Variants in NCOR2 observed in about 807,000 individuals in gnomAD.
NCOR2 encodes the protein nuclear receptor corepressor 2, also known as CTG repeat protein 26.
A neutral mutation model predicts 262.9 loss-of-function variants in NCOR2; 81 were observed. That is an observed-to-expected ratio of 0.31 (90% confidence interval 0.26 to 0.37). The LOEUF is 0.37. Ranked by LOEUF, NCOR2 falls within the 10% of genes least tolerant of loss-of-function variation. The probability of loss-of-function intolerance (pLI) is 1.00; values close to 1 mark genes in which losing one functional copy is unlikely to be tolerated. For missense variants in NCOR2, 3,385 were observed against 3,621.4 expected (o/e 0.93, Z 1.68); for synonymous variants, 1,659 against 1,559.3 (o/e 1.06, Z -1.51).
chr12:124,549,380 G>C lies in NCOR2; in HGVS notation c.-164-13769C>G, dbSNP rs1488095415. Among the ~76,000 whole-genome samples, 1 of 152,192 alleles carries C rather than the reference G, an allele frequency of 6.6e-6. No homozygotes were observed. The highest frequency in any genetic ancestry group is 1.5e-5 in the Non-Finnish European group (1 of 68,030). ...TTCGAGGAGATAAGCCGCCTGCTCA[G>C]GTTCACGTTCGGGATCAAATGAACC... On this transcript the variant is annotated intron_variant, in intron 1 of 32. Transcript: ENST00000458234. This position sits in a 1 kb window ranked among gnomAD's most constrained non-coding sequence, Gnocchi z 4.4.
At chr12:124,365,580 G>A (rs988947299) in intron 20 of NCOR2, among the ~76,000 whole-genome samples, 1 of 152,210 alleles carries the variant, frequency 6.6e-6, no homozygotes, top group Non-Finnish European at 1.5e-5. Flanking sequence ...TCTGCCACAC[G>A]CTCAGCTGAG....
At chr12:124,509,039 AAG>A (rs2049220675) in intron 1 of NCOR2, among the ~76,000 whole-genome samples, 1 of 152,272 alleles carries the variant, frequency 6.6e-6, no homozygotes, top group African/African-American at 2.4e-5. Flanking sequence ...CTGGCCATGA[AAG>A]GCAGGCCAGG....
intron 18 of NCOR2, among the ~76,000 whole-genome samples, chr12:124,375,273 G>A (rs1251758303): frequency 6.6e-6 from 1 of 152,104 alleles, no homozygotes; most frequent in Non-Finnish European, 1.5e-5. Flanking sequence ...AACGCTGAGG[G>A]CCCCAGGACC....
Position 124,483,623 on chromosome 12 carries a change from CTGGCCCGTGGCCAGCAGG to C in NCOR2, c.366_383del (p.Leu123_Gln128del). 1.2e-6 allele frequency: 2 copies of C among 1,607,864 alleles called. No homozygotes were observed. Among genetic ancestry groups the C allele is most frequent in the Non-Finnish European group, 1.7e-6 (2 of 1,177,414 alleles). The stretch of plus-strand genomic sequence containing the variant: ...TGGTGAGGTCTTCAGATCCCGCAGG[CTGGCCCGTGGCCAGCAGG>C]GGTGACGGTCGCAGCAGGGGGTCAG... On this transcript the variant is annotated inframe_deletion, in exon 3 of 47. Transcript: ENST00000405201. This position sits in a 1 kb window ranked among gnomAD's most constrained non-coding sequence, Gnocchi z 6.3.
At chr12:124,326,040 G>T in intron 46 of NCOR2, 151 bp downstream of exon 48, 2 of 843,224 alleles carry the variant, frequency 2.4e-6, no homozygotes, top group Non-Finnish European at 3.3e-6. Context: ...GCCAGGCTCA[G>T]CTGCCCAGGC....
chr12:124,494,808 G>A (rs751406337), intron 1 of NCOR2, among the ~76,000 whole-genome samples: 10 of 152,282 alleles, frequency 6.6e-5, no homozygotes, highest in Non-Finnish European at 8.8e-5. Flanking sequence ...CTGCGGCAGC[G>A]GGGGAGCAGA....
intron 1 of NCOR2, among the ~76,000 whole-genome samples, chr12:124,551,573 G>A (rs1322112135): frequency 4.6e-5 from 7 of 152,154 alleles, no homozygotes; most frequent in African/African-American, 7.2e-5. Flanking sequence ...AGGCTCGGCC[G>A]GCCTGGTCTC....
intron 24 of NCOR2, 37 bp downstream of exon 26, chr12:124,355,395 A>C (rs755453783): frequency 7.5e-6 from 12 of 1,608,396 alleles, no homozygotes; most frequent in African/African-American, 1.3e-5. Flanking sequence ...ACAGATAAGA[A>C]GACTAAGCCC....
Position 124,457,203 on chromosome 12 carries a change from C to A in NCOR2, c.706-41G>T. The stretch of plus-strand genomic sequence containing the variant: ...GAAGAGGAGGAATTTTTTTAAAAAA[C>A]AAAAAAACACAGATTATAAATAGAG... On this transcript the variant is annotated intron_variant, in intron 5 of 46. Coordinates refer to ENST00000405201, the Ensembl canonical transcript of NCOR2. This position sits in a 1 kb window ranked among gnomAD's most constrained non-coding sequence, Gnocchi z 4.0. 1 of 1,529,856 alleles carries A rather than the reference C, an allele frequency of 6.5e-7. No individual in the cohort carries two copies. The highest frequency in any genetic ancestry group is 2.4e-5 in the Admixed American group (1 of 41,836). The allele number at this position is 1,529,856 out of a possible 1,614,324, so 94.8% of individuals were successfully genotyped here.
intron 5 of NCOR2, among the ~76,000 whole-genome samples, chr12:124,460,199 C>G (rs995073309): frequency 6.6e-6 from 1 of 152,246 alleles, no homozygotes; most frequent in Non-Finnish European, 1.5e-5. Flanking sequence ...GGTGCCTGCT[C>G]TGTTCTCTGC....
At chr12:124,344,927 C>G (rs781253968) in exon 32 of NCOR2, 3 of 1,559,368 alleles carry the variant, frequency 1.9e-6, no homozygotes, top group East Asian at 4.7e-5. Context: ...GTGGACGCGC[C>G]GGTGTCGTAC....
At chr12:124,487,450 C>T (rs1311217966) in intron 1 of NCOR2, among the ~76,000 whole-genome samples, 16 of 152,280 alleles carry the variant, frequency 1.1e-4, no homozygotes, top group Non-Finnish European at 4.4e-5. Flanking sequence ...TCCTTGCCCA[C>T]ACCTGAGTCA....
At chr12:124,431,794 CAGAT>C (rs1340895519) in intron 8 of NCOR2, among the ~76,000 whole-genome samples, 2 of 149,948 alleles carry the variant, frequency 1.3e-5, no homozygotes, top group Non-Finnish European at 3.0e-5. Flanking sequence ...GACACACAGA[CAGAT>C]ACACAGGCAG....
At chr12:124,379,362 G>A (rs945301445) in intron 17 of NCOR2, among the ~76,000 whole-genome samples, 1 of 152,192 alleles carries the variant, frequency 6.6e-6, no homozygotes, top group Non-Finnish European at 1.5e-5. Flanking sequence ...CACTGGGGTG[G>A]GTGTCTCTTT....
At chr12:124,340,523 C>T in intron 35 of NCOR2, 79 bp downstream of exon 37, 6 of 1,560,158 alleles carry the variant, frequency 3.8e-6, no homozygotes, top group Non-Finnish European at 5.2e-6. Flanking sequence ...GGAAAGAGAG[C>T]AGGGCTTCTG....
chr12:124,519,089 TACAC>T lies in NCOR2; in HGVS notation c.-118+16472_-118+16475del, dbSNP rs57438929. Among the ~76,000 whole-genome samples, 771 of 97,290 alleles carry T rather than the reference TACAC, an allele frequency of 7.9e-3. 9 individuals carry two copies. Among genetic ancestry groups the T allele is most frequent in the African/African-American group, 0.023 (658 of 28,822 alleles). 63.8% of individuals were successfully genotyped at this position (97,290 alleles called of 152,430 possible). The stretch of plus-strand genomic sequence containing the variant: ...TAGAAAAGAAGACGTGGCCAAATAA[TACAC>T]ACACACACACACACACACACACACA... On this transcript the variant is annotated intron_variant, in intron 1 of 46. Transcript: ENST00000404621.
intron 13 of NCOR2, among the ~76,000 whole-genome samples, chr12:124,417,442 G>C (rs1049135356): frequency 2.0e-5 from 3 of 152,146 alleles, no homozygotes; most frequent in Non-Finnish European, 2.9e-5. Context: ...TCTCACACAG[G>C]GGGAGGGGAT....
chr12:124,438,350 G>A (rs2044495809), intron 7 of NCOR2, among the ~76,000 whole-genome samples: 2 of 152,176 alleles, frequency 1.3e-5, no homozygotes, highest in African/African-American at 2.4e-5. Flanking sequence ...CTCCAACTAG[G>A]AATACAGGCC....
rs915854956 is a variant in NCOR2 at position 124,471,932 on chromosome 12, T to C, written c.591+1020A>G. Among the ~76,000 whole-genome samples the C allele has an allele frequency of 2.0e-5, 3 of 152,342 alleles. No homozygotes were observed. In the Middle Eastern group the frequency reaches 0.01, roughly 518 times the overall value. ...ACTTTGCAGGCCACACAGGTCTCTGTTGTGATGACTTAACTCTGCCACTGT... is the reference window on the plus strand; with the variant it reads ...ACTTTGCAGGCCACACAGGTCTCTGCTGTGATGACTTAACTCTGCCACTGT... On this transcript the variant is annotated intron_variant, in intron 4 of 46. Coordinates refer to ENST00000405201, the Ensembl canonical transcript of NCOR2.
Sources: allele counts gnomAD v4.1 joint callset (sites outside exome capture counted in the v4.1 genomes callset), GRCh38; gene constraint gnomAD v4.1.1; non-coding constraint Gnocchi (gnomAD v3.1); transcripts MANE v1.5; gene names NCBI Gene and HGNC (gene_info 2026-07-23, HGNC 2026-07-21).